Variants in SSC4D observed in about 807,000 individuals in gnomAD.
The protein encoded by SSC4D is scavenger receptor cysteine-rich domain-containing group B protein.
SSC4D carries 57 observed loss-of-function variants against 63.4 expected under a neutral mutation model. That is an observed-to-expected ratio of 0.90 (90% CI 0.73 to 1.12). The LOEUF is 1.12. SSC4D is among the 50% of genes most tolerant of loss of function. SSC4D has a pLI of 0.00. For synonymous variants in SSC4D, 352 were observed against 345.4 expected, an observed-to-expected ratio of 1.02 and a Z score of -0.21; for missense variants, 791 against 806.4, an observed-to-expected ratio of 0.98 and a Z score of 0.23.
chr7:76,394,069 C>T (rs1040752914), intron 7 of SSC4D, among the ~76,000 whole-genome samples, 165 bp from the exon 8 acceptor site: 1 of 152,104 alleles, frequency 6.6e-6, no homozygotes, highest in Non-Finnish European at 1.5e-5. Context: ...TTGGGATCTC[C>T]GGGAAACTTG....
intron 10 of SSC4D, among the ~76,000 whole-genome samples, chr7:76,391,540 C>T (rs138682310): frequency 2.0e-5 from 3 of 152,206 alleles, no homozygotes; most frequent in South Asian, 4.2e-4. Flanking sequence ...GTACTGGGTG[C>T]TTCATGTCTG....
Position 76,393,469 on chromosome 7 carries a change from G to C in SSC4D, c.1269C>G (p.Cys423Trp). 6.5e-7 allele frequency: 1 copy of C among 1,531,460 alleles called. No individual in the cohort carries two copies. The highest frequency in any genetic ancestry group is 8.7e-7 in the Non-Finnish European group (1 of 1,147,238). The allele number at this position is 1,531,460 out of a possible 1,614,324, so 94.9% of individuals were successfully genotyped here. ...CAGTEARLSD[C>W]FHLGWGQHNC... ...TGTGCTGGCCCCAGCCCAGGTGGAAGCAGTCGCTCAGGCGAGCCTCGGTGC... is the reference window on the plus strand; with the variant it reads ...TGTGCTGGCCCCAGCCCAGGTGGAACCAGTCGCTCAGGCGAGCCTCGGTGC... Residue 423 changes from cysteine (C) to tryptophan (W), a missense_variant, in exon 9 of 11, where the codon TGC becomes TGG. By Grantham distance (215) the Cys-to-Trp change is radical. Coordinates refer to ENST00000275560, the MANE Select transcript of SSC4D (RefSeq NM_080744.2).
rs200166313 is a variant in SSC4D, at chr7:76,400,442, C to T, written c.319G>A (p.Val107Met). ...TGGCCAAAGGCAAGGGGCCGTGGCA[C>T]GGGCAGTGCCAGGCCACAGCCCAGC... Reference protein sequence around the residue: ...RQLGCGLALPVPRPLAFGQGR... With the variant: ...RQLGCGLALPMPRPLAFGQGR... Residue 107 changes from valine (V) to methionine (M), a missense_variant, in exon 4 of 11, where the codon GTG becomes ATG. Transcript: ENST00000275560. 86 of 1,607,426 alleles carry T rather than the reference C, an allele frequency of 5.4e-5. No homozygotes were observed. The African/African-American group carries it at 8.3e-4, about 15-fold the overall frequency.
chr7:76,394,435 GT>G (rs1382340235), intron 7 of SSC4D, among the ~76,000 whole-genome samples: 1 of 147,262 alleles, frequency 6.8e-6, no homozygotes, highest in Non-Finnish European at 1.5e-5. Flanking sequence ...TTGATACAGA[GT>G]TTCGCTCTGT....
Sources: allele counts gnomAD v4.1 joint callset (sites outside exome capture counted in the v4.1 genomes callset), GRCh38; gene constraint gnomAD v4.1.1; transcripts MANE v1.5; gene names NCBI Gene and HGNC (gene_info 2026-07-23, HGNC 2026-07-21).